The following ADGRL1 variants were observed in gnomAD, a reference collection of about 807,000 sequenced individuals.
The protein encoded by ADGRL1 is CIRL-1.
ADGRL1 carries 31 observed loss-of-function variants against 148.9 expected under a neutral mutation model. The observed-to-expected ratio is 0.21, with a 90% CI of 0.16 to 0.28. The LOEUF is 0.28. Among genes scored for constraint, ADGRL1 ranks in the 10% least tolerant of loss-of-function variants. ADGRL1 has a pLI of 1.00. For synonymous variants in ADGRL1, 937 were observed against 900.3 expected, an observed-to-expected ratio of 1.04 and a Z score of -0.73; for missense variants, 1,521 against 2,058.8, an observed-to-expected ratio of 0.74 and a Z score of 5.05.
intron 12 of ADGRL1, 136 bp from the exon 13 acceptor site, chr19:14,158,188 C>A: frequency 8.2e-7 from 1 of 1,221,680 alleles, no homozygotes; most frequent in Non-Finnish European, 1.2e-6. Context: ...AGTTGACATT[C>A]TGAGAGCTCT....
intron 1 of ADGRL1, among the ~76,000 whole-genome samples, chr19:14,203,361 C>T (rs1156658986): frequency 6.6e-6 from 1 of 152,116 alleles, no homozygotes; most frequent in Admixed American, 6.5e-5. Flanking sequence ...GCGGGGATGG[C>T]AGTGCTCCCA....
chr19:14,160,311 G>GGGC lies in ADGRL1; in HGVS notation c.1615-17_1615-15dup. The GGGC allele has an allele frequency of 6.3e-7, 1 of 1,579,590 alleles. No homozygotes were observed. The highest frequency in any genetic ancestry group is 1.1e-5 in the South Asian group (1 of 89,072). ...CCCACTCTTGATCTGCATGAGGTGGGGGCGGGAAGGGGGAATCCCAGGACT... is the reference window on the plus strand; with the variant it reads ...CCCACTCTTGATCTGCATGAGGTGGGGGCGGCGGGAAGGGGGAATCCCAGGACT... On this transcript the variant is annotated splice_polypyrimidine_tract_variant and intron_variant, in intron 7 of 22. Transcript: ENST00000361434. The surrounding 1 kb of genome is among the most constrained non-coding windows in gnomAD (Gnocchi z 5.9).
Position 14,162,598 on chromosome 19 carries a change from G to C in ADGRL1, c.1195+8C>G. On this transcript the variant is annotated splice_region_variant and intron_variant, in intron 5 of 22. Transcript: ENST00000361434. The surrounding 1 kb of genome is among the most constrained non-coding windows in gnomAD (Gnocchi z 5.4). Reference sequence around the variant, plus strand: ...CAGGCTCCATGCCTGGAAGTGAGTCGTCCTCACCAGCACTGGGGTCGGGCG... The same window carrying C: ...CAGGCTCCATGCCTGGAAGTGAGTCCTCCTCACCAGCACTGGGGTCGGGCG... The C allele has an allele frequency of 1.3e-6, 2 of 1,595,224 alleles. No homozygotes were observed. The highest frequency in any genetic ancestry group is 2.3e-5 in the South Asian group (2 of 88,746).
chr19:14,156,335 C>A, intron 16 of ADGRL1, 134 bp from the exon 17 acceptor site: 1 of 714,566 alleles, frequency 1.4e-6, no homozygotes, highest in East Asian at 2.7e-5. Context: ...GTACCTGCCC[C>A]TGAGGTGCCC....
In ADGRL1 at chr19:14,185,947, C is replaced by A. The variant is rs143407793; in HGVS notation, c.-95-2250G>T. 7.7e-4 allele frequency among the ~76,000 whole-genome samples: 117 copies of A among 152,368 alleles called. 1 individual carries two copies. The East Asian group carries it at 0.016, about 20-fold the overall frequency. On this transcript the variant is annotated intron_variant, in intron 1 of 22. Coordinates refer to ENST00000361434, the MANE Select transcript of ADGRL1 (RefSeq NM_014921.5). ...CAACCCACTGTCCACATGGCTGGCT[C>A]CTTCAGGCCTCTGCTCAGATAGAAC...
chr19:14,174,755 C>T (rs1215176139), intron 3 of ADGRL1, among the ~76,000 whole-genome samples: 1 of 151,526 alleles, frequency 6.6e-6, no homozygotes, highest in African/African-American at 2.4e-5. Flanking sequence ...AGGTTGGTCT[C>T]GAACTCCTGA....
At chr19:14,167,256 T>G (rs959657461) in intron 4 of ADGRL1, among the ~76,000 whole-genome samples, 1 of 149,502 alleles carries the variant, frequency 6.7e-6, no homozygotes, top group Admixed American at 6.6e-5. Context: ...GGTGAGAGGG[T>G]GCTGGGGAGA....
intron 3 of ADGRL1, among the ~76,000 whole-genome samples, chr19:14,176,083 G>T (rs141789274): frequency 8.1e-4 from 123 of 151,636 alleles, no homozygotes; most frequent in African/African-American, 2.9e-3. Context: ...CGGGCGCAGT[G>T]GCTTACACCT....
At chr19:14,156,823 CAGG>C in intron 15 of ADGRL1, 99 bp from the exon 16 acceptor site, 2 of 1,527,778 alleles carry the variant, frequency 1.3e-6, no homozygotes, top group Non-Finnish European at 8.9e-7. Flanking sequence ...CCTCTGGGAT[CAGG>C]AGGAGGAAGG....
At position 14,152,727 on chromosome 19, in the gene ADGRL1, C is replaced by T. The variant is rs1238230949; in HGVS notation, c.3423+57G>A. ...GAAACCTAGGCCAAGCCACTCCCCA[C>T]CTCTCAGGCTCCAGGTTCCAACACT... On this transcript the variant is annotated intron_variant, in intron 19 of 22. Coordinates refer to ENST00000361434, the MANE Select transcript of ADGRL1 (RefSeq NM_014921.5). The surrounding 1 kb of genome is among the most constrained non-coding windows in gnomAD (Gnocchi z 6.1). The T allele has an allele frequency of 6.2e-7, 1 of 1,604,482 alleles. No homozygotes were observed. Among genetic ancestry groups the T allele is most frequent in the Admixed American group, 1.7e-5 (1 of 59,786 alleles).
At position 14,157,314 on chromosome 19, in the gene ADGRL1, C is replaced by T. The variant is rs775671245; in HGVS notation, c.2682G>A (p.Leu894=). The T allele has an allele frequency of 2.5e-6, 4 of 1,614,062 alleles. No individual in the cohort carries two copies. In the African/African-American group the frequency reaches 5.3e-5, roughly 22 times the overall value. ...GCTCAGCCAGGAAGAGGTTGATGCA[C>T]AGGTTCTTGTGGATGGTGTTGCGGT... The part of the protein sequence containing the change: ...QTDRNTIHKN[L]CINLFLAELL... The change falls in exon 14 of 23, where the codon CTG becomes CTA. Residue 894 remains leucine, a synonymous_variant. Coordinates refer to ENST00000361434, the MANE Select transcript of ADGRL1 (RefSeq NM_014921.5). This position sits in a 1 kb window ranked among gnomAD's most constrained non-coding sequence, Gnocchi z 7.5.
In ADGRL1 at chr19:14,161,373, G is replaced by T. The variant is rs1331478826; in HGVS notation, c.1449C>A (p.Val483=). Residue 483 remains valine, a synonymous_variant, in exon 6 of 23, where the codon GTC becomes GTA. Transcript: ENST00000361434. This position sits in a 1 kb window ranked among gnomAD's most constrained non-coding sequence, Gnocchi z 4.4. ...TGCCCTGCTGGGTGGCCGGCCACTG[G>T]ACCCGCCGTACCTCTCGGGGCTCGC... is the stretch of plus-strand genomic sequence containing the variant. ...LFCEPREVRR[V]QWPATQQGML... The T allele has an allele frequency of 1.3e-6, 2 of 1,548,936 alleles. No homozygotes were observed. The highest frequency in any genetic ancestry group is 2.5e-5 in the South Asian group (2 of 80,722).
At chr19:14,158,597 G>A in intron 11 of ADGRL1, 45 bp from the exon 12 acceptor site, 1 of 1,508,596 alleles carries the variant, frequency 6.6e-7, no homozygotes, top group South Asian at 1.1e-5. Context: ...TCCTCAGCTG[G>A]CGCACCTCCA....
At chr19:14,201,164 G>C (rs542616022) in intron 1 of ADGRL1, among the ~76,000 whole-genome samples, 2 of 152,170 alleles carry the variant, frequency 1.3e-5, no homozygotes, top group South Asian at 4.2e-4. Flanking sequence ...AATCCTGTCT[G>C]GGAAAGCCAG....
At position 14,161,552 on chromosome 19, in the gene ADGRL1, CGGGCGAGGCTGTGCTGGTGAGGGGCGT is replaced by C; in HGVS notation, c.1243_1269del (p.Thr415_Pro423del). ...GCCCGGCGGAGCGGGGTGGTGGCTG[CGGGCGAGGCTGTGCTGGTGAGGGGCGT>C]GGGCCTGGCTGTGGTGGTCGTGCTG... On this transcript the variant is annotated inframe_deletion, in exon 6 of 23. Coordinates refer to ENST00000361434, the MANE Select transcript of ADGRL1 (RefSeq NM_014921.5). The surrounding 1 kb of genome is among the most constrained non-coding windows in gnomAD (Gnocchi z 4.4). 1 of 1,444,182 alleles carries C rather than the reference CGGGCGAGGCTGTGCTGGTGAGGGGCGT, an allele frequency of 6.9e-7. No homozygotes were observed. Among genetic ancestry groups the C allele is most frequent in the Non-Finnish European group, 9.1e-7 (1 of 1,098,900 alleles). 89.5% of individuals were successfully genotyped at this position (1,444,182 alleles called of 1,614,324 possible). A position where few individuals can be genotyped will look rare whatever the true frequency, so the allele number is the denominator to read the frequency against.
chr19:14,153,148 T>A (rs951664865), intron 18 of ADGRL1, among the ~76,000 whole-genome samples: 1 of 152,146 alleles, frequency 6.6e-6, no homozygotes, highest in Non-Finnish European at 1.5e-5. Context: ...CTTCTCCACC[T>A]CCTCTGACAG....
intron 1 of ADGRL1, among the ~76,000 whole-genome samples, chr19:14,192,158 C>T (rs562795500): frequency 1.3e-5 from 2 of 152,292 alleles, no homozygotes; most frequent in African/African-American, 2.4e-5. Flanking sequence ...TGGGAAGATA[C>T]AATTTAGTCC....
At chr19:14,168,900 C>G (rs1428226557) in intron 4 of ADGRL1, 4 of 152,266 alleles carry the variant, frequency 2.6e-5, no homozygotes, top group African/African-American at 9.6e-5. Flanking sequence ...CTTTTGAGAA[C>G]CCTGTCTACA....
At position 14,150,838 on chromosome 19, in the gene ADGRL1, G is replaced by A. The variant is rs1968084952; in HGVS notation, c.*35C>T. On this transcript the variant is annotated 3_prime_UTR_variant, in exon 23 of 23. Transcript: ENST00000361434. ...AGCCCTGCCCAGGGTTCCCTCCCTGGCCTGGGCCACCAGCCCCTGGTCCAT... is the reference window on the plus strand; with the variant it reads ...AGCCCTGCCCAGGGTTCCCTCCCTGACCTGGGCCACCAGCCCCTGGTCCAT... 6.3e-7 allele frequency: 1 copy of A among 1,598,990 alleles called. No individual in the cohort carries two copies.
Sources: gnomAD v4.1 joint callset for allele counts (sites outside exome capture counted in the v4.1 genomes callset) on GRCh38, gnomAD v4.1.1 for gene constraint, Gnocchi (gnomAD v3.1) non-coding constraint, MANE v1.5 for transcripts, NCBI Gene and HGNC (gene_info 2026-07-23, HGNC 2026-07-21) for gene names.